Variants in TTC21B observed in about 807,000 individuals in gnomAD.
TTC21B encodes the protein tetratricopeptide repeat domain 21B.
A neutral mutation model predicts 175.1 loss-of-function variants in TTC21B; 127 were observed. The ratio of observed to expected loss-of-function variants is 0.73; its 90% CI spans 0.63 to 0.84. The LOEUF (loss-of-function observed/expected upper bound fraction) is 0.84. Ranked by LOEUF, TTC21B falls within the 40% of genes least tolerant of loss-of-function variation. The pLI, the probability that TTC21B is intolerant of heterozygous loss-of-function variation, is 0.00. For missense variants in TTC21B, 1,561 were observed against 1,558.3 expected, an observed-to-expected ratio of 1.00 and a Z score of -0.03; for synonymous variants, 524 against 524.5, an observed-to-expected ratio of 1.00 and a Z score of 0.01.
intron 6 of TTC21B, among the ~76,000 whole-genome samples, chr2:165,938,319 G>A (rs1159267207): frequency 6.6e-6 from 1 of 151,852 alleles, no homozygotes; most frequent in Non-Finnish European, 1.5e-5. Flanking sequence ...TTCTTTATAG[G>A]TATTCTAGCT....
rs1350520391 is a variant in TTC21B, at chr2:165,919,367, G to A, written c.1583C>T (p.Ala528Val). The A allele has an allele frequency of 6.2e-7, 1 of 1,613,820 alleles. No individual in the cohort carries two copies. Among genetic ancestry groups the A allele is most frequent in the Non-Finnish European group, 8.5e-7 (1 of 1,179,866 alleles). ...GTAAACCTGAGCTAGCAGCAGATGA[G>A]CATCAGCATAAGAGGGATTGTGTTC... is the stretch of plus-strand genomic sequence containing the variant. ...CLEHNPSYAD[A>V]HLLLAQVYLS... The change falls in exon 13 of 29, where the codon GCT becomes GTT. Residue 528 changes from alanine to valine, a missense_variant. Physicochemically the swap from Ala to Val is moderately conservative, Grantham distance 64. Transcript: ENST00000243344.
intron 25 of TTC21B, among the ~76,000 whole-genome samples, chr2:165,886,010 T>C (rs561789823): frequency 1.6e-4 from 24 of 152,338 alleles, no homozygotes; most frequent in African/African-American, 5.8e-4. Context: ...GCTTAATGTA[T>C]CTTCCAGCAT....
chr2:165,878,741 G>A (rs1255776116), intron 27 of TTC21B, among the ~76,000 whole-genome samples: 1 of 150,484 alleles, frequency 6.6e-6, no homozygotes, highest in African/African-American at 2.5e-5. Flanking sequence ...CAGTGCAGTG[G>A]TGTGATCTCG....
intron 19 of TTC21B, among the ~76,000 whole-genome samples, chr2:165,902,990 G>T (rs1040302798): frequency 6.6e-6 from 1 of 152,192 alleles, no homozygotes; most frequent in African/African-American, 2.4e-5. Context: ...CCAGGCAGCA[G>T]CCTCCAAGAA....
intron 6 of TTC21B, among the ~76,000 whole-genome samples, chr2:165,935,971 G>A (rs1371775237): frequency 6.6e-6 from 1 of 152,030 alleles, no homozygotes; most frequent in East Asian, 1.9e-4. Flanking sequence ...TCATCCTAAA[G>A]TTTATACAGA....
At chr2:165,877,077 A>G (rs1684688016) in intron 27 of TTC21B, among the ~76,000 whole-genome samples, 1 of 152,222 alleles carries the variant, frequency 6.6e-6, no homozygotes, top group African/African-American at 2.4e-5. Flanking sequence ...GTTCTCTTGT[A>G]ACATGCTATA....
At position 165,931,824 on chromosome 2, in the gene TTC21B, T is replaced by C. The variant is rs1331845974; in HGVS notation, c.828A>G (p.Thr276=). 3 of 1,613,622 alleles carry C rather than the reference T, an allele frequency of 1.9e-6. No homozygotes were observed. The highest frequency in any genetic ancestry group is 2.5e-6 in the Non-Finnish European group (3 of 1,179,642). ...CATTCTGTGGTTCCATGGCATCCAA[T>C]GTATTTCCCAAGTTTTCCAGCTTGG... is the stretch of plus-strand genomic sequence containing the variant. ...ASTKLENLGN[T]LDAMEPQNAQ... Residue 276 remains threonine (T), a synonymous_variant, in exon 8 of 29, where the codon ACA becomes ACG. Transcript: ENST00000243344.
chr2:165,898,772 AAAGAT>A lies in TTC21B; in HGVS notation c.2869-10_2869-6del. The A allele has an allele frequency of 6.2e-7, 1 of 1,601,144 alleles. No individual in the cohort carries two copies. Among genetic ancestry groups the A allele is most frequent in the Non-Finnish European group, 8.6e-7 (1 of 1,168,396 alleles). On this transcript the variant is annotated splice_region_variant and splice_polypyrimidine_tract_variant and intron_variant, in intron 21 of 28. Transcript: ENST00000243344. ...GAACATGAGATCAGCCATCATCTAT[AAAGAT>A]AAAAGTTGGTTCTAAAAATATTGCC...
At chr2:165,906,411 AAAG>A (rs1685735050) in intron 19 of TTC21B, among the ~76,000 whole-genome samples, 3 of 152,048 alleles carry the variant, frequency 2.0e-5, no homozygotes, top group African/African-American at 7.2e-5. Context: ...ACTGATTATT[AAAG>A]AAGAAAAAAT....
intron 18 of TTC21B, among the ~76,000 whole-genome samples, chr2:165,909,384 A>C (rs2105315869): frequency 6.6e-6 from 1 of 152,266 alleles, no homozygotes; most frequent in South Asian, 2.1e-4. Flanking sequence ...CATGAAAAGC[A>C]GATATATGAT....
rs1685925440 is a variant in TTC21B at position 165,911,372 on chromosome 2, C to G, written c.2416G>C (p.Asp806His). The change falls in exon 18 of 29, where the codon GAC becomes CAC. Residue 806 changes from aspartate to histidine, a missense_variant. Physicochemically the swap from Asp to His is moderately conservative, Grantham distance 81. Transcript: ENST00000243344. The part of the protein sequence containing the change: ...AELLLKLKWY[D>H]KAEKVLQHAL... Reference sequence around the variant, plus strand: ...TGCTGAAGAACTTTTTCTGCTTTGTCATACCATTTCAATTTTAATAAGAGC... The same window carrying G: ...TGCTGAAGAACTTTTTCTGCTTTGTGATACCATTTCAATTTTAATAAGAGC... 1.2e-6 allele frequency: 2 copies of G among 1,613,752 alleles called. No homozygotes were observed. Among genetic ancestry groups the G allele is most frequent in the African/African-American group, 2.7e-5 (2 of 74,884 alleles).
At chr2:165,880,914 A>G (rs751492995) in intron 26 of TTC21B, 115 bp from the exon 27 acceptor site, 61 of 1,169,240 alleles carry the variant, frequency 5.2e-5, no homozygotes, top group Non-Finnish European at 6.7e-5. Flanking sequence ...AAATCAAACA[A>G]TGGTTTTCAA....
At chr2:165,936,154 G>C (rs1687132140) in intron 6 of TTC21B, among the ~76,000 whole-genome samples, 1 of 152,050 alleles carries the variant, frequency 6.6e-6, no homozygotes. Flanking sequence ...CACAGAAATA[G>C]ACCCACATAG....
rs149660751 is a variant in TTC21B at position 165,888,816 on chromosome 2, A to AT, written c.3264-343dup. Among the ~76,000 whole-genome samples, 1,087 of 152,350 alleles carry AT rather than the reference A, an allele frequency of 7.1e-3. 15 individuals carry two copies. The highest frequency in any genetic ancestry group is 0.025 in the African/African-American group (1,032 of 41,576). Reference sequence around the variant, plus strand: ...ATAAGTAGAATCAGAAAATTAACATATATCTATTCAAAAAGTGAAAGGAAA... The same window carrying AT: ...ATAAGTAGAATCAGAAAATTAACATATTATCTATTCAAAAAGTGAAAGGAAA... On this transcript the variant is annotated intron_variant, in intron 24 of 28. Coordinates refer to ENST00000243344, the MANE Select transcript of TTC21B (RefSeq NM_024753.5).
In TTC21B at chr2:165,874,692, GAAGAACTGA is replaced by G. The variant is rs1326992764; in HGVS notation, c.*54_*62del. 6.8e-7 allele frequency: 1 copy of G among 1,473,058 alleles called. No individual in the cohort carries two copies. Among genetic ancestry groups the G allele is most frequent in the Non-Finnish European group, 9.5e-7 (1 of 1,052,808 alleles). The allele number at this position is 1,473,058 out of a possible 1,614,324, so 91.2% of individuals were successfully genotyped here. A position where few individuals can be genotyped will look rare whatever the true frequency, so the allele number is the denominator to read the frequency against. ...CTGAGCTCAAACCTGTTTTGAACAG[GAAGAACTGA>G]AAGTTAGATTTCTTTCATTTCCTGT... On this transcript the variant is annotated 3_prime_UTR_variant, in exon 29 of 29. Transcript: ENST00000243344.
At chr2:165,902,429 C>T (rs1374208793) in intron 19 of TTC21B, among the ~76,000 whole-genome samples, 1 of 152,154 alleles carries the variant, frequency 6.6e-6, no homozygotes, top group East Asian at 1.9e-4. Flanking sequence ...TAAATGCCTA[C>T]CACATGCAAT....
At chr2:165,897,498 G>A (rs1685410471) in intron 22 of TTC21B, among the ~76,000 whole-genome samples, 1 of 152,176 alleles carries the variant, frequency 6.6e-6, no homozygotes, top group Non-Finnish European at 1.5e-5. Context: ...TGAGAGGTGG[G>A]GGTGGAGCAA....
chr2:165,918,722 C>G (rs1308309312), intron 13 of TTC21B, among the ~76,000 whole-genome samples: 1 of 152,128 alleles, frequency 6.6e-6, no homozygotes, highest in Admixed American at 6.5e-5. Context: ...CAGGAAGCAA[C>G]TGAACCTAGG....
At chr2:165,951,237 GA>G (rs1261107425) in intron 1 of TTC21B, among the ~76,000 whole-genome samples, 1 of 152,108 alleles carries the variant, frequency 6.6e-6, no homozygotes, top group Non-Finnish European at 1.5e-5. Context: ...TAATCCTCCT[GA>G]AAGGCAGTGG....
Sources: allele counts gnomAD v4.1 joint callset (sites outside exome capture counted in the v4.1 genomes callset), GRCh38; gene constraint gnomAD v4.1.1; transcripts MANE v1.5; gene names NCBI Gene and HGNC (gene_info 2026-07-23, HGNC 2026-07-21).